Variants in ZNF479 observed in about 807,000 individuals in gnomAD.
ZNF479 encodes the protein KRAB zinc finger protein KR19.
ZNF479 carries 15 observed loss-of-function variants against 14.7 expected under a neutral mutation model. The observed-to-expected ratio is 1.02, with a 90% CI of 0.68 to 1.57. The LOEUF is 1.57. ZNF479 is among the 40% of genes most tolerant of loss of function. The pLI, the probability that ZNF479 is intolerant of heterozygous loss-of-function variation, is 0.00. For missense variants in ZNF479, 506 were observed against 615.1 expected, an observed-to-expected ratio of 0.82 and a Z score of 1.88; for synonymous variants, 145 against 211.5, an observed-to-expected ratio of 0.69 and a Z score of 2.73.
At chr7:57,138,427 C>G (rs185930157) in intron 1 of ZNF479, among the ~76,000 whole-genome samples, 9 of 152,298 alleles carry the variant, frequency 5.9e-5, no homozygotes, top group Admixed American at 5.9e-4. Context: ...TTGTCTTCCT[C>G]ACACATTGAC....
chr7:57,128,996 G>A (rs891045010), intron 1 of ZNF479, among the ~76,000 whole-genome samples: 1 of 151,938 alleles, frequency 6.6e-6, no homozygotes, highest in African/African-American at 2.4e-5. Flanking sequence ...ACACACCCAC[G>A]GCAGAAAGAC....
chr7:57,125,779 T>A (rs1310051028), intron 3 of ZNF479, among the ~76,000 whole-genome samples: 1 of 152,180 alleles, frequency 6.6e-6, no homozygotes, highest in Non-Finnish European at 1.5e-5. Context: ...TAAAGAAAAC[T>A]TTGGCTCACA....
intron 1 of ZNF479, among the ~76,000 whole-genome samples, chr7:57,130,113 C>T (rs1463248400): frequency 6.6e-6 from 1 of 152,064 alleles, no homozygotes; most frequent in East Asian, 1.9e-4. Context: ...TCAGAGCTCA[C>T]AAAAGTCAAG....
In ZNF479 at chr7:57,119,190, C is replaced by T. The variant is rs556120711; in HGVS notation, c.*650G>A. ...AGGGTTTCTCTTCAGTATTAATTCT[C>T]TTATGTATAATAAGGGTTCAAGACT... is the stretch of plus-strand genomic sequence containing the variant. On this transcript the variant is annotated 3_prime_UTR_variant, in exon 4 of 4. Coordinates refer to ENST00000319636, the MANE Select transcript of ZNF479 (RefSeq NM_001370129.2). Among the ~76,000 whole-genome samples, 122 of 152,284 alleles carry T rather than the reference C, an allele frequency of 8.0e-4. No individual in the cohort carries two copies. Among genetic ancestry groups the T allele is most frequent in the Non-Finnish European group, 1.7e-3 (113 of 68,032 alleles).
chr7:57,117,966 T>C lies in ZNF479; in HGVS notation c.*1874A>G, dbSNP rs1583924749. Reference sequence around the variant, plus strand: ...ATCTCTTTTACACTCAACCCTCTGATTTAGTGTAATGTATGAAGTTTCAGT... The same window carrying C: ...ATCTCTTTTACACTCAACCCTCTGACTTAGTGTAATGTATGAAGTTTCAGT... On this transcript the variant is annotated 3_prime_UTR_variant, in exon 4 of 4. Coordinates refer to ENST00000319636, the MANE Select transcript of ZNF479 (RefSeq NM_001370129.2). 6.6e-6 allele frequency among the ~76,000 whole-genome samples: 1 copy of C among 152,290 alleles called. No homozygotes were observed. Among genetic ancestry groups the C allele is most frequent in the African/African-American group, 2.4e-5 (1 of 41,484 alleles).
intron 3 of ZNF479, among the ~76,000 whole-genome samples, chr7:57,122,370 C>A: frequency 1.4e-5 from 2 of 146,084 alleles, no homozygotes; most frequent in Non-Finnish European, 3.0e-5. Context: ...TTGTATGTGC[C>A]CTAAATAAAA....
Position 57,117,878 on chromosome 7 carries a change from C to T in ZNF479, c.*1962G>A, listed in dbSNP as rs1469855492. On this transcript the variant is annotated 3_prime_UTR_variant, in exon 4 of 4. Coordinates refer to ENST00000319636, the MANE Select transcript of ZNF479 (RefSeq NM_001370129.2). ...TTTTATAGAAGAAAGAAGCATACCTCGAAGGTAATTATGAATCTCGAAAAA... is the reference window on the plus strand; with the variant it reads ...TTTTATAGAAGAAAGAAGCATACCTTGAAGGTAATTATGAATCTCGAAAAA... 2.6e-4 allele frequency among the ~76,000 whole-genome samples: 39 copies of T among 152,344 alleles called. No homozygotes were observed. Among genetic ancestry groups the T allele is most frequent in the Non-Finnish European group, 4.0e-4 (27 of 68,040 alleles).
chr7:57,133,081 C>T (rs1242481127), upstream of ZNF479, among the ~76,000 whole-genome samples: 3 of 152,138 alleles, frequency 2.0e-5, no homozygotes, highest in African/African-American at 7.2e-5. Context: ...TTGCAGTGAG[C>T]CGAGATGGCG....
chr7:57,134,043 C>T (rs1786540719), upstream of ZNF479, among the ~76,000 whole-genome samples: 1 of 152,150 alleles, frequency 6.6e-6, no homozygotes. Flanking sequence ...CTTTCTAGCA[C>T]ATTGCAGTTC....
At chr7:57,138,619 C>G (rs1452091994) in intron 1 of ZNF479, among the ~76,000 whole-genome samples, 2 of 152,180 alleles carry the variant, frequency 1.3e-5, no homozygotes, top group African/African-American at 4.8e-5. Context: ...ACTTTCATAG[C>G]TGGGCTTAGG....
Position 57,138,170 on chromosome 7 carries a change from C to T in ZNF479, c.-15+1438G>A, listed in dbSNP as rs111730003. 8.9e-3 allele frequency among the ~76,000 whole-genome samples: 1,355 copies of T among 152,222 alleles called. 31 individuals carry two copies. Among genetic ancestry groups the T allele is most frequent in the African/African-American group, 0.031 (1,285 of 41,550 alleles). On this transcript the variant is annotated intron_variant, in intron 1 of 4. Coordinates refer to the ZNF479 transcript ENST00000331162. Reference sequence around the variant, plus strand: ...ACAGGTGGGATGGTCACACATTAGGCCCAGCTCACAGGTATAATGAAGACT... The same window carrying T: ...ACAGGTGGGATGGTCACACATTAGGTCCAGCTCACAGGTATAATGAAGACT...
intron 3 of ZNF479, among the ~76,000 whole-genome samples, chr7:57,124,953 C>A (rs888976954): frequency 6.6e-6 from 1 of 152,100 alleles, no homozygotes; most frequent in African/African-American, 2.4e-5. Flanking sequence ...CATCCCTGAT[C>A]CCAGCTACTC....
chr7:57,127,394 G>T, intron 1 of ZNF479: 1 of 205,134 alleles, frequency 4.9e-6, no homozygotes, highest in Non-Finnish European at 8.6e-6. Flanking sequence ...AGATAGAACA[G>T]TCATGATGAG....
chr7:57,131,043 C>A (rs1449525737), intron 1 of ZNF479, among the ~76,000 whole-genome samples: 1 of 151,846 alleles, frequency 6.6e-6, no homozygotes, highest in Non-Finnish European at 1.5e-5. Flanking sequence ...TAAGTGGGAG[C>A]AAAATAATGA....
chr7:57,132,200 A>G (rs1216632052), intron 1 of ZNF479, 86 bp downstream of exon 1: 2 of 1,612,076 alleles, frequency 1.2e-6, no homozygotes, highest in African/African-American at 2.7e-5. Flanking sequence ...ACTGACTGCA[A>G]GAAAGTCTGG....
Position 57,127,026 on chromosome 7 carries a change from C to CTT in ZNF479, c.40-310_40-309dup, listed in dbSNP as rs1317795538. Among the ~76,000 whole-genome samples, 69 of 77,956 alleles carry CTT rather than the reference C, an allele frequency of 8.9e-4. 2 individuals carry two copies. In the South Asian group the frequency reaches 0.029, roughly 33 times the overall value. The allele number at this position is 77,956 out of a possible 152,430, so 51.1% of individuals were successfully genotyped here. A position where few individuals can be genotyped will look rare whatever the true frequency, so the allele number is the denominator to read the frequency against. ...TCTTTTCTGTTTTTCTTTTTTTTTT[C>CTT]TTTTTTTTTTTTTTGAGACCGAGTC... On this transcript the variant is annotated intron_variant, in intron 1 of 3. Transcript: ENST00000319636.
rs1786034406 is a variant in ZNF479 at position 57,123,443 on chromosome 7, C to T, written c.263-2291G>A. The stretch of plus-strand genomic sequence containing the variant: ...CATATCACAAACCAAATAGGCTAAA[C>T]AGACATGTACAGAACTCTCCAGTCA... On this transcript the variant is annotated intron_variant, in intron 3 of 3. Transcript: ENST00000319636. Among the ~76,000 whole-genome samples, 3 of 152,340 alleles carry T rather than the reference C, an allele frequency of 2.0e-5. No homozygotes were observed. In the South Asian group the frequency reaches 6.2e-4, roughly 32 times the overall value.
At chr7:57,135,973 ATCTCTCTCTCTC>A (rs57853604), upstream of ZNF479, among the ~76,000 whole-genome samples, 647 of 125,170 alleles carry the variant, frequency 5.2e-3, no homozygotes, top group Middle Eastern at 0.038. Flanking sequence ...CTCTCTCTCA[ATCTCTCTCTCTC>A]TCTCTCTCTC....
chr7:57,131,529 C>T, intron 1 of ZNF479, among the ~76,000 whole-genome samples: 1 of 149,204 alleles, frequency 6.7e-6, no homozygotes, highest in South Asian at 2.2e-4. Context: ...CACCACTGCA[C>T]TCCAGCCTGG....
Sources: allele counts gnomAD v4.1 joint callset (sites outside exome capture counted in the v4.1 genomes callset), GRCh38; gene constraint gnomAD v4.1.1; transcripts MANE v1.5; gene names NCBI Gene and HGNC (gene_info 2026-07-23, HGNC 2026-07-21).